The following SOX5 variants were observed in gnomAD, a reference collection of about 807,000 sequenced individuals.
SOX5 encodes the protein SRY-box transcription factor 5.
A neutral mutation model predicts 92.0 loss-of-function variants in SOX5; 9 were observed. The ratio of observed to expected loss-of-function variants is 0.10; its 90% CI spans 0.06 to 0.17. The LOEUF is 0.17. SOX5 is among the 10% of genes least tolerant of loss of function. The pLI is 1.00. For synonymous variants in SOX5, 344 were observed against 336.3 expected (o/e 1.02, Z -0.25); for missense variants, 642 against 944.5 (o/e 0.68, Z 4.20).
chr12:24,485,432 T>C (rs1000157999), intron 1 of SOX5, among the ~76,000 whole-genome samples: 4 of 152,138 alleles, frequency 2.6e-5, no homozygotes, highest in Non-Finnish European at 1.5e-5. Context: ...AAAAACGAAT[T>C]GTTCAAGAGT....
intron 11 of SOX5, among the ~76,000 whole-genome samples, chr12:23,560,716 A>G (rs1391477095): frequency 6.6e-6 from 1 of 152,268 alleles, no homozygotes; most frequent in African/African-American, 2.4e-5. Context: ...ATAATTACTA[A>G]TTAAAAGATG....
intron 4 of SOX5, among the ~76,000 whole-genome samples, chr12:23,969,986 G>A (rs1183969404): frequency 6.6e-6 from 1 of 152,166 alleles, no homozygotes; most frequent in Admixed American, 6.6e-5. Flanking sequence ...AAGTTCTGTG[G>A]CCAACTGTCC....
chr12:24,370,829 A>G (rs951594248), intron 1 of SOX5, among the ~76,000 whole-genome samples: 7 of 152,202 alleles, frequency 4.6e-5, no homozygotes, highest in Admixed American at 3.9e-4. Flanking sequence ...TCCTAACAAA[A>G]TATTAGTTAA....
chr12:23,927,105 G>A (rs1260799343), intron 1 of SOX5, among the ~76,000 whole-genome samples: 2 of 152,052 alleles, frequency 1.3e-5, no homozygotes, highest in African/African-American at 4.8e-5. Flanking sequence ...TTTCCAAAAG[G>A]ATTATAGTCT....
intron 1 of SOX5, among the ~76,000 whole-genome samples, chr12:24,406,247 C>G (rs1002484802): frequency 6.6e-6 from 1 of 152,150 alleles, no homozygotes; most frequent in South Asian, 2.1e-4. Flanking sequence ...CCAGAGGGAA[C>G]AGACTATCTG....
intron 4 of SOX5, among the ~76,000 whole-genome samples, chr12:24,035,971 G>A (rs1021519173): frequency 1.3e-5 from 2 of 152,036 alleles, no homozygotes; most frequent in African/African-American, 2.4e-5. Context: ...ATCCTCTGCA[G>A]ATCTTTTGTA....
chr12:23,841,113 C>T (rs1156567034), intron 3 of SOX5, among the ~76,000 whole-genome samples: 1 of 151,896 alleles, frequency 6.6e-6, no homozygotes, highest in Non-Finnish European at 1.5e-5. Context: ...ACAAAATATA[C>T]TAAGAACTCT....
At chr12:24,282,416 GA>G (rs1371062578) in intron 2 of SOX5, among the ~76,000 whole-genome samples, 1 of 149,032 alleles carries the variant, frequency 6.7e-6, no homozygotes, top group South Asian at 2.1e-4. Context: ...ATATTCATCA[GA>G]AAAAAAGAAA....
At chr12:24,499,003 T>C (rs1566315047) in intron 1 of SOX5, among the ~76,000 whole-genome samples, 1 of 152,214 alleles carries the variant, frequency 6.6e-6, no homozygotes. Context: ...GGTGTAATAC[T>C]GCCTTCTCAA....
At chr12:24,480,232 C>T (rs1309507657) in intron 1 of SOX5, among the ~76,000 whole-genome samples, 1 of 152,146 alleles carries the variant, frequency 6.6e-6, no homozygotes, top group Non-Finnish European at 1.5e-5. Context: ...AAACCTAGAT[C>T]CCTCTTGCCA....
At position 24,443,419 on chromosome 12, in the gene SOX5, G is replaced by A. The variant is rs191589276; in HGVS notation, c.-250-74780C>T. Among the ~76,000 whole-genome samples the A allele has an allele frequency of 1.1e-3, 175 of 152,226 alleles. 2 individuals carry two copies. Among genetic ancestry groups the A allele is most frequent in the African/African-American group, 3.1e-3 (129 of 41,534 alleles). On this transcript the variant is annotated intron_variant, in intron 1 of 4. Coordinates refer to the SOX5 transcript ENST00000446891. ...TTTCCATCACACCCTGTTGAAAATC[G>A]CTGATTGAATTCATGATACCAGTCA...
At chr12:23,630,230 T>G (rs1446152521) in intron 8 of SOX5, among the ~76,000 whole-genome samples, 1 of 151,908 alleles carries the variant, frequency 6.6e-6, no homozygotes, top group African/African-American at 2.4e-5. Flanking sequence ...ATTACCTCCA[T>G]GGAAAAATGG....
chr12:23,623,833 G>T (rs867479757), intron 8 of SOX5, among the ~76,000 whole-genome samples: 1 of 152,050 alleles, frequency 6.6e-6, no homozygotes, highest in Middle Eastern at 3.4e-3. Context: ...CCACTTTTGG[G>T]TATATACCGA....
chr12:24,464,811 C>A (rs969650580), intron 1 of SOX5, among the ~76,000 whole-genome samples: 1 of 152,180 alleles, frequency 6.6e-6, no homozygotes, highest in Admixed American at 6.5e-5. Context: ...ACAGTTATTA[C>A]ATAGTAAGAA....
At chr12:23,858,029 C>T (rs926968188) in intron 2 of SOX5, among the ~76,000 whole-genome samples, 9 of 151,942 alleles carry the variant, frequency 5.9e-5, no homozygotes, top group East Asian at 1.9e-4. Flanking sequence ...CCACCATTCC[C>T]GGCCAAGAGT....
intron 2 of SOX5, among the ~76,000 whole-genome samples, chr12:23,852,107 C>T (rs2096639818): frequency 6.6e-6 from 1 of 151,928 alleles, no homozygotes; most frequent in Non-Finnish European, 1.5e-5. Flanking sequence ...TATTTTGAAT[C>T]CTTAGAAACA....
In SOX5 at chr12:24,206,330, C is replaced by T. The variant is rs535503284; in HGVS notation, c.-2+7013G>A. Among the ~76,000 whole-genome samples, 7 of 152,268 alleles carry T rather than the reference C, an allele frequency of 4.6e-5. No homozygotes were observed. The South Asian group carries it at 1.5e-3, about 32-fold the overall frequency. On this transcript the variant is annotated intron_variant, in intron 4 of 4. Transcript: ENST00000446891. Reference sequence around the variant, plus strand: ...AGGACTATGTATTTTATTAAAATTGCCTTCAGACTGCTAATGGCAGGGCGT... The same window carrying T: ...AGGACTATGTATTTTATTAAAATTGTCTTCAGACTGCTAATGGCAGGGCGT...
intron 11 of SOX5, among the ~76,000 whole-genome samples, chr12:23,559,010 A>G (rs1945737288): frequency 6.6e-6 from 1 of 152,240 alleles, no homozygotes. Flanking sequence ...TTAAGTATAT[A>G]TGGAGTGAGT....
chr12:23,598,808 G>A (rs759434243), intron 9 of SOX5, among the ~76,000 whole-genome samples: 4 of 152,040 alleles, frequency 2.6e-5, no homozygotes, highest in Non-Finnish European at 5.9e-5. Context: ...CTGTATGTGC[G>A]GTTTGTATTC....
Sources: gnomAD v4.1 joint callset for allele counts (sites outside exome capture counted in the v4.1 genomes callset) on GRCh38, gnomAD v4.1.1 for gene constraint, MANE v1.5 for transcripts, NCBI Gene and HGNC (gene_info 2026-07-23, HGNC 2026-07-21) for gene names.